The following FAM227B variants were observed in gnomAD, a reference collection of about 807,000 sequenced individuals.
FAM227B encodes family with sequence similarity 227 member B, also known as protein FAM227B.
In FAM227B, 88 loss-of-function variants were observed where a neutral mutation model predicts 73.8. The ratio of observed to expected loss-of-function variants is 1.19; its 90% CI spans 1.00 to 1.42. The LOEUF (loss-of-function observed/expected upper bound fraction) is 1.42. FAM227B is among the 40% of genes most tolerant of loss of function. FAM227B has a pLI of 0.00. For synonymous variants in FAM227B, 210 were observed against 190.5 expected, an observed-to-expected ratio of 1.10 and a Z score of -0.84; for missense variants, 632 against 590.9, an observed-to-expected ratio of 1.07 and a Z score of -0.72.
intron 8 of FAM227B, among the ~76,000 whole-genome samples, chr15:49,570,795 T>C (rs1189331012): frequency 1.3e-5 from 2 of 148,626 alleles, no homozygotes. Flanking sequence ...TTACAGGATA[T>C]CCTTCTTTTT....
At chr15:49,462,393 T>C (rs1449596158) in intron 11 of FAM227B, among the ~76,000 whole-genome samples, 1 of 152,206 alleles carries the variant, frequency 6.6e-6, no homozygotes, top group East Asian at 1.9e-4. Context: ...TTAATCACAA[T>C]GCTTTTTCCC....
At chr15:49,401,027 G>T (rs1421895645) in intron 11 of FAM227B, among the ~76,000 whole-genome samples, 2 of 152,170 alleles carry the variant, frequency 1.3e-5, no homozygotes, top group Non-Finnish European at 2.9e-5. Context: ...AAGAGCTTCT[G>T]CACAGCAAAA....
At chr15:49,490,761 T>C (rs1024908380) in intron 11 of FAM227B, among the ~76,000 whole-genome samples, 1 of 152,006 alleles carries the variant, frequency 6.6e-6, no homozygotes, top group African/African-American at 2.4e-5. Flanking sequence ...ATCACCTTAA[T>C]GATTCTCCAC....
At position 49,328,600 on chromosome 15, in the gene FAM227B, C is replaced by G; in HGVS notation, c.1495G>C (p.Asp499His). 6.3e-7 allele frequency: 1 copy of G among 1,595,558 alleles called. No individual in the cohort carries two copies. The highest frequency in any genetic ancestry group is 8.6e-7 in the Non-Finnish European group (1 of 1,167,948). Residue 499 changes from aspartate (D) to histidine (H), a missense_variant, in exon 16 of 16, where the codon GAC (aspartate) becomes CAC (histidine). Physicochemically the swap from Asp to His is moderately conservative, Grantham distance 81. Transcript: ENST00000299338. ...TCTTCTTCCTCAAAGTTGTAGTTGTCTGTTGATGATGGTGATGATGATGAT... is the reference window on the plus strand; with the variant it reads ...TCTTCTTCCTCAAAGTTGTAGTTGTGTGTTGATGATGGTGATGATGATGAT... ...SSSSSSPSST[D>H]NYNFEEEEY
chr15:49,472,159 G>A (rs568715723), intron 11 of FAM227B, among the ~76,000 whole-genome samples: 2 of 152,054 alleles, frequency 1.3e-5, no homozygotes, highest in Non-Finnish European at 1.5e-5. Flanking sequence ...TATGAAGAAC[G>A]CATTTGAAGT....
At chr15:49,337,508 CTT>C (rs33973907) in intron 13 of FAM227B, among the ~76,000 whole-genome samples, 221 of 36,070 alleles carry the variant, frequency 6.1e-3, no homozygotes, top group African/African-American at 0.022. Context: ...CATTTACCCA[CTT>C]TTTTTTTTTT....
rs71120695 is a variant in FAM227B, at chr15:49,588,547, CTATATATATATATATATATATATATA to C, written c.338-490_338-465del. On this transcript the variant is annotated intron_variant, in intron 4 of 15. Coordinates refer to ENST00000299338, the MANE Select transcript of FAM227B (RefSeq NM_152647.3). ...AGTTCTGATATCTACATATTGAGGA[CTATATATATATATATATATATATATA>C]TATATATATATATATATATATATAT... is the stretch of plus-strand genomic sequence containing the variant. Among the ~76,000 whole-genome samples, 93 of 38,058 alleles carry C rather than the reference CTATATATATATATATATATATATATA, an allele frequency of 2.4e-3. 2 individuals are homozygous for C. The highest frequency in any genetic ancestry group is 7.4e-3 in the East Asian group (8 of 1,088). 25.0% of individuals were successfully genotyped at this position (38,058 alleles called of 152,430 possible).
At chr15:49,356,070 T>C (rs2043111778) in intron 13 of FAM227B, among the ~76,000 whole-genome samples, 1 of 145,542 alleles carries the variant, frequency 6.9e-6, no homozygotes, top group Admixed American at 6.7e-5. Context: ...AGGCCTGCCT[T>C]ACAAGAGCTC....
intron 9 of FAM227B, among the ~76,000 whole-genome samples, chr15:49,560,904 GACACCTACTA>G (rs2074200826): frequency 6.6e-6 from 1 of 151,932 alleles, no homozygotes; most frequent in South Asian, 2.1e-4. Context: ...ACAAAAAAAT[GACACCTACTA>G]ACACAAAATT....
intron 11 of FAM227B, among the ~76,000 whole-genome samples, chr15:49,437,241 C>G (rs1234948641): frequency 1.3e-5 from 2 of 151,146 alleles, no homozygotes; most frequent in East Asian, 3.9e-4. Flanking sequence ...TTTAGGAATG[C>G]CTAAAGATAA....
Position 49,541,687 on chromosome 15 carries a change from C to A in FAM227B, c.867G>T (p.Trp289Cys). ...KEDLGNNIFL[W>C]CSGLKPQKGF... ...TAAATGATATATTCATACCTGAACACCAAAGAAAAATGTTATTCCCTAGAT... is the reference window on the plus strand; with the variant it reads ...TAAATGATATATTCATACCTGAACAACAAAGAAAAATGTTATTCCCTAGAT... The change falls in exon 10 of 16, where the codon TGG becomes TGT. Residue 289 changes from tryptophan to cysteine, a missense_variant. Trp to Cys is a radical substitution (Grantham distance 215, BLOSUM62 -2). Transcript: ENST00000299338. 6.7e-7 allele frequency: 1 copy of A among 1,501,856 alleles called. No homozygotes were observed. The highest frequency in any genetic ancestry group is 8.9e-7 in the Non-Finnish European group (1 of 1,128,654). The allele number at this position is 1,501,856 out of a possible 1,614,324, so 93.0% of individuals were successfully genotyped here.
intron 2 of FAM227B, among the ~76,000 whole-genome samples, chr15:49,612,533 A>G (rs1021530825): frequency 2.0e-5 from 3 of 152,212 alleles, no homozygotes; most frequent in Admixed American, 2.0e-4. Flanking sequence ...AAGTACTCGC[A>G]GTGTGCATAA....
chr15:49,544,950 T>C (rs569523930), intron 9 of FAM227B, among the ~76,000 whole-genome samples: 1 of 152,264 alleles, frequency 6.6e-6, no homozygotes, highest in Admixed American at 6.5e-5. Context: ...ATCAAGAATA[T>C]TGGTCTGTAG....
intron 9 of FAM227B, among the ~76,000 whole-genome samples, chr15:49,543,603 T>C (rs1036837261): frequency 2.6e-5 from 4 of 152,144 alleles, no homozygotes; most frequent in African/African-American, 9.7e-5. Context: ...GAAGAGTTTT[T>C]TCAATGTTAT....
rs577698138 is a variant in FAM227B at position 49,475,754 on chromosome 15, G to A, written c.1012+32457C>T. ...TGTAATCCCAACCCTTTGGGAGGCTGAGGCAGGTGAATCACCTGAGGTCAG... is the reference window on the plus strand; with the variant it reads ...TGTAATCCCAACCCTTTGGGAGGCTAAGGCAGGTGAATCACCTGAGGTCAG... On this transcript the variant is annotated intron_variant, in intron 11 of 15. Transcript: ENST00000299338. Among the ~76,000 whole-genome samples, 359 of 152,256 alleles carry A rather than the reference G, an allele frequency of 2.4e-3. 1 individual carries two copies. Among genetic ancestry groups the A allele is most frequent in the African/African-American group, 8.4e-3 (347 of 41,556 alleles).
chr15:49,393,816 A>G (rs1306630114), intron 11 of FAM227B, among the ~76,000 whole-genome samples: 1 of 152,146 alleles, frequency 6.6e-6, no homozygotes, highest in Non-Finnish European at 1.5e-5. Context: ...AGAAACAAAC[A>G]GAATTTATGG....
intron 8 of FAM227B, among the ~76,000 whole-genome samples, chr15:49,574,237 TAA>T (rs1228022434): frequency 6.6e-6 from 1 of 152,126 alleles, no homozygotes; most frequent in African/African-American, 2.4e-5. Context: ...ATTCTTCCAG[TAA>T]AACACAGTTT....
intron 10 of FAM227B, among the ~76,000 whole-genome samples, chr15:49,533,360 G>C (rs1439302250): frequency 6.6e-6 from 1 of 151,934 alleles, no homozygotes; most frequent in Non-Finnish European, 1.5e-5. Context: ...GCTTTGGATG[G>C]AATGTTCTGT....
intron 9 of FAM227B, among the ~76,000 whole-genome samples, chr15:49,552,736 G>A (rs1466862066): frequency 6.6e-6 from 1 of 151,538 alleles, no homozygotes; most frequent in Non-Finnish European, 1.5e-5. Flanking sequence ...TCTTTCTTCT[G>A]CTTGATCCAT....
Sources: gnomAD v4.1 joint callset for allele counts (sites outside exome capture counted in the v4.1 genomes callset) on GRCh38, gnomAD v4.1.1 for gene constraint, MANE v1.5 for transcripts, NCBI Gene and HGNC (gene_info 2026-07-23, HGNC 2026-07-21) for gene names.